The following TMEM272 variants were observed in gnomAD, a reference collection of about 807,000 sequenced individuals.
TMEM272 encodes the protein transmembrane protein 272, also known as long intergenic non-protein coding RNA 282.
In TMEM272, 8 loss-of-function variants were observed where a neutral mutation model predicts 3.7. The observed-to-expected ratio is 2.17, with a 90% CI of 1.27 to 3.91. The LOEUF is 3.91. Among genes scored for constraint, TMEM272 ranks in the 30% most tolerant of loss-of-function variants. The probability of loss-of-function intolerance (pLI) is 0.00; values close to 1 mark genes in which losing one functional copy is unlikely to be tolerated. For missense variants in TMEM272, 166 were observed against 91.5 expected (o/e 1.81, Z -3.32); for synonymous variants, 63 against 39.8 (o/e 1.58, Z -2.20).
At chr13:51,907,656 C>T in the TMEM272 span, among the ~76,000 whole-genome samples, 35 of 152,218 alleles carry the variant, frequency 2.3e-4, no homozygotes, top group Non-Finnish European at 4.4e-4. Flanking sequence ...TTCCATCACT[C>T]CTATCTTCTC....
At chr13:51,851,284 T>C in the TMEM272 span, among the ~76,000 whole-genome samples, 3 of 151,694 alleles carry the variant, frequency 2.0e-5, no homozygotes. Flanking sequence ...CAGTGAGCCA[T>C]GATCATGTCA....
chr13:51,909,317 A>T, the TMEM272 span: 1 of 931,926 alleles, frequency 1.1e-6, no homozygotes, highest in Non-Finnish European at 1.7e-6. Context: ...GTTCTTCTTC[A>T]AGATCTTTGG....
intron 2 of TMEM272, among the ~76,000 whole-genome samples, chr13:51,834,848 C>T (rs1019913751): frequency 1.4e-4 from 22 of 152,216 alleles, no homozygotes; most frequent in African/African-American, 4.6e-4. Flanking sequence ...GCCCTGCACA[C>T]GCTGCACATG....
the TMEM272 span, among the ~76,000 whole-genome samples, chr13:51,900,802 T>C: frequency 4.6e-5 from 7 of 152,264 alleles, no homozygotes. Flanking sequence ...GATGTATTAC[T>C]GATACATGCT....
the TMEM272 span, among the ~76,000 whole-genome samples, chr13:51,877,880 T>C: frequency 1.3e-5 from 2 of 152,210 alleles, no homozygotes; most frequent in Non-Finnish European, 2.9e-5. Flanking sequence ...GCCTCTCCCA[T>C]ATATAAGTGG....
chr13:51,878,904 T>C, the TMEM272 span, among the ~76,000 whole-genome samples: 4 of 152,202 alleles, frequency 2.6e-5, no homozygotes, highest in Non-Finnish European at 5.9e-5. Context: ...GATGGTAACA[T>C]TGGGCTTCAT....
At chr13:51,913,930 CAGAG>C in the TMEM272 span, among the ~76,000 whole-genome samples, 1 of 152,182 alleles carries the variant, frequency 6.6e-6, no homozygotes, top group African/African-American at 2.4e-5. Context: ...AAGAGAATGC[CAGAG>C]GCTGTCAGCC....
At chr13:51,926,639 GTGGGTGTGGGT>G in the TMEM272 span, among the ~76,000 whole-genome samples, 1 of 148,656 alleles carries the variant, frequency 6.7e-6, no homozygotes, top group South Asian at 2.4e-4. Flanking sequence ...GTTTGTGGGT[GTGGGTGTGGGT>G]GTGGGTGTGT....
chr13:51,914,327 C>A, the TMEM272 span, among the ~76,000 whole-genome samples: 1 of 152,208 alleles, frequency 6.6e-6, no homozygotes, highest in Non-Finnish European at 1.5e-5. Flanking sequence ...GGGAAATTGA[C>A]GCTTAGCAGG....
At chr13:51,885,384 T>A in the TMEM272 span, among the ~76,000 whole-genome samples, 1 of 152,174 alleles carries the variant, frequency 6.6e-6, no homozygotes. Flanking sequence ...GGAAGGCACC[T>A]CTTCATAGGA....
chr13:51,889,911 G>A, the TMEM272 span, among the ~76,000 whole-genome samples: 1 of 152,312 alleles, frequency 6.6e-6, no homozygotes, highest in Non-Finnish European at 1.5e-5. Context: ...AAAGTGCTGG[G>A]ATTACAGGTG....
At chr13:51,878,978 G>A in the TMEM272 span, among the ~76,000 whole-genome samples, 1 of 152,162 alleles carries the variant, frequency 6.6e-6, no homozygotes, top group African/African-American at 2.4e-5. Flanking sequence ...GGTAATTTAA[G>A]GCCCAGCAGA....
the TMEM272 span, chr13:51,866,109 C>A: frequency 6.6e-7 from 1 of 1,519,298 alleles, no homozygotes; most frequent in South Asian, 1.3e-5. Context: ...GCCCTGTGGT[C>A]CAGACTCCCC....
At chr13:51,909,180 T>C in the TMEM272 span, 1 of 1,367,358 alleles carries the variant, frequency 7.3e-7, no homozygotes, top group Non-Finnish European at 1.0e-6. Flanking sequence ...TTTTTGTCTT[T>C]TGTGAGCATT....
upstream of TMEM272, among the ~76,000 whole-genome samples, chr13:51,845,997 TGGGGAGGGACTG>T (rs537606610): frequency 4.3e-4 from 65 of 152,294 alleles, 2 homozygotes; most frequent in South Asian, 0.011. Context: ...GCCAGTCTAC[TGGGGAGGGACTG>T]GGGGAGGGAC....
the TMEM272 span, chr13:51,865,846 G>A: frequency 6.2e-7 from 1 of 1,613,956 alleles, no homozygotes; most frequent in Non-Finnish European, 8.5e-7. Context: ...ACAAGGCCCT[G>A]TGGGAGGAAG....
intron 1 of TMEM272, among the ~76,000 whole-genome samples, chr13:51,842,063 C>G (rs1956268185): frequency 6.6e-6 from 1 of 152,146 alleles, no homozygotes; most frequent in Non-Finnish European, 1.5e-5. Flanking sequence ...ATCATATGAC[C>G]TCGTGCATGT....
upstream of TMEM272, among the ~76,000 whole-genome samples, chr13:51,849,072 T>C (rs764007698): frequency 6.6e-6 from 1 of 152,180 alleles, no homozygotes; most frequent in Non-Finnish European, 1.5e-5. Flanking sequence ...AAGTTTTCAT[T>C]TTCCTTTTGA....
At chr13:51,837,402 G>A (rs1458788774) in intron 2 of TMEM272, among the ~76,000 whole-genome samples, 1 of 152,172 alleles carries the variant, frequency 6.6e-6, no homozygotes, top group Non-Finnish European at 1.5e-5. Flanking sequence ...GAGCATCAGA[G>A]GCCCTGGGCA....
Sources: allele counts gnomAD v4.1 joint callset (sites outside exome capture counted in the v4.1 genomes callset), GRCh38; gene constraint gnomAD v4.1.1; transcripts MANE v1.5; gene names NCBI Gene and HGNC (gene_info 2026-07-23, HGNC 2026-07-21).